The following DOCK1 variants were observed in gnomAD, a reference collection of about 807,000 sequenced individuals.
DOCK1 encodes dedicator of cytokinesis 1, also known as dedicator of cytokinesis protein 1.
DOCK1 carries 138 observed loss-of-function variants against 262.7 expected under a neutral mutation model. That is an observed-to-expected ratio of 0.53 (90% CI 0.46 to 0.61). The LOEUF (loss-of-function observed/expected upper bound fraction) is 0.61, where lower values mean the gene tolerates loss of function less well. DOCK1 is among the 20% of genes least tolerant of loss of function. DOCK1 has a pLI of 0.00. For missense variants in DOCK1, 1,908 were observed against 2,370.7 expected (o/e 0.80, Z 4.05); for synonymous variants, 866 against 867.4 (o/e 1.00, Z 0.03).
intron 31 of DOCK1, among the ~76,000 whole-genome samples, chr10:127,347,629 A>G (rs2063694314): frequency 6.7e-6 from 1 of 149,966 alleles, no homozygotes; most frequent in East Asian, 2.0e-4. Context: ...CACTCTGGGC[A>G]AACGATGGGC....
chr10:127,316,269 G>A (rs1300135731), intron 29 of DOCK1, among the ~76,000 whole-genome samples: 1 of 152,128 alleles, frequency 6.6e-6, no homozygotes, highest in African/African-American at 2.4e-5. Context: ...CTTGTTCATG[G>A]ACAGACTGCA....
chr10:127,361,035 A>G, intron 32 of DOCK1, among the ~76,000 whole-genome samples: 2 of 152,044 alleles, frequency 1.3e-5, no homozygotes, highest in Non-Finnish European at 2.9e-5. Context: ...AACTTTTGAG[A>G]AACATTTTTC....
chr10:127,299,410 G>A (rs1446114877), intron 29 of DOCK1, among the ~76,000 whole-genome samples: 2 of 152,176 alleles, frequency 1.3e-5, no homozygotes, highest in African/African-American at 4.8e-5. Context: ...GGCCAAGAAG[G>A]GTGGGCTCTT....
At chr10:127,238,060 C>A (rs1456010959) in intron 27 of DOCK1, among the ~76,000 whole-genome samples, 2 of 152,148 alleles carry the variant, frequency 1.3e-5, no homozygotes, top group African/African-American at 2.4e-5. Flanking sequence ...ACACATCATT[C>A]CTCGCTTCAT....
At chr10:127,338,795 T>TAG (rs553105341) in intron 29 of DOCK1, among the ~76,000 whole-genome samples, 3 of 152,360 alleles carry the variant, frequency 2.0e-5, no homozygotes, top group African/African-American at 7.2e-5. Flanking sequence ...TCTGTTTCTT[T>TAG]CATCCTGCAT....
At chr10:127,227,917 A>G (rs2058701964) in intron 27 of DOCK1, among the ~76,000 whole-genome samples, 1 of 152,194 alleles carries the variant, frequency 6.6e-6, no homozygotes, top group Admixed American at 6.5e-5. Flanking sequence ...AGCTGAGAAT[A>G]AATTCTCAGT....
intron 27 of DOCK1, among the ~76,000 whole-genome samples, chr10:127,185,836 A>G (rs1444447496): frequency 1.3e-5 from 2 of 152,212 alleles, no homozygotes; most frequent in African/African-American, 4.8e-5. Flanking sequence ...ACTCACAAAA[A>G]TGAGTAGATG....
intron 27 of DOCK1, among the ~76,000 whole-genome samples, chr10:127,226,165 G>GT (rs2058630868): frequency 2.0e-5 from 3 of 151,648 alleles, no homozygotes; most frequent in Non-Finnish European, 4.4e-5. Flanking sequence ...CTAATCATCA[G>GT]TTTTTTTCTC....
intron 27 of DOCK1, among the ~76,000 whole-genome samples, chr10:127,143,083 G>A (rs1299358719): frequency 6.6e-6 from 1 of 152,160 alleles, no homozygotes; most frequent in East Asian, 1.9e-4. Flanking sequence ...CTTATTCTCT[G>A]TTTGTCTCAT....
chr10:127,268,113 G>A (rs1018745450), intron 29 of DOCK1, among the ~76,000 whole-genome samples: 4 of 152,204 alleles, frequency 2.6e-5, no homozygotes, highest in East Asian at 1.9e-4. Flanking sequence ...TTTCATGCAC[G>A]AGACAGCCCC....
At chr10:127,219,626 A>G (rs1250891970) in intron 27 of DOCK1, among the ~76,000 whole-genome samples, 3 of 152,164 alleles carry the variant, frequency 2.0e-5, no homozygotes, top group Non-Finnish European at 4.4e-5. Context: ...CCATTAAATA[A>G]CAACACCCCA....
intron 6 of DOCK1, among the ~76,000 whole-genome samples, chr10:126,992,864 G>A (rs572376582): frequency 2.6e-5 from 4 of 151,986 alleles, no homozygotes; most frequent in African/African-American, 9.6e-5. Context: ...AGATGCATTG[G>A]GCTTCCATGG....
intron 1 of DOCK1, among the ~76,000 whole-genome samples, chr10:126,951,169 A>C (rs1250816622): frequency 6.6e-6 from 1 of 150,974 alleles, no homozygotes; most frequent in Non-Finnish European, 1.5e-5. Flanking sequence ...TACTGGTAGT[A>C]GTGTTGGTGA....
chr10:126,998,401 C>T (rs751250544), intron 8 of DOCK1, 152 bp downstream of exon 8: 2 of 1,037,546 alleles, frequency 1.9e-6, no homozygotes, highest in East Asian at 2.4e-5. Context: ...CTGTCTTAGA[C>T]AGTGTGATGG....
At chr10:126,999,243 A>T in intron 8 of DOCK1, 111 bp from the exon 9 acceptor site, 1 of 742,446 alleles carries the variant, frequency 1.3e-6, no homozygotes, top group Middle Eastern at 3.0e-4. Flanking sequence ...TAAACTCAAT[A>T]GTTGTCTGTA....
Position 127,360,421 on chromosome 10 carries a change from G to T in DOCK1, c.3284-1643G>T, listed in dbSNP as rs757984262. Among the ~76,000 whole-genome samples the T allele has an allele frequency of 1.2e-4, 18 of 152,174 alleles. 1 individual carries two copies. The highest frequency in any genetic ancestry group is 2.5e-4 in the Non-Finnish European group (17 of 68,044). ...CAGCTGCCAGCTGCTCTGCCCAGTC[G>T]CCAGATTTCCTGATGGTGATCCTGC... On this transcript the variant is annotated intron_variant, in intron 32 of 51. Coordinates refer to ENST00000623213, the MANE Select transcript of DOCK1 (RefSeq NM_001290223.2).
At chr10:127,381,609 C>G (rs1418886102) in intron 37 of DOCK1, among the ~76,000 whole-genome samples, 1 of 152,176 alleles carries the variant, frequency 6.6e-6, no homozygotes, top group Non-Finnish European at 1.5e-5. Flanking sequence ...ATTATAAACT[C>G]CCATCACTTG....
intron 38 of DOCK1, among the ~76,000 whole-genome samples, chr10:127,399,120 C>A (rs2296633): frequency 0.15 from 22,776 of 152,126 alleles, 2,107 homozygotes; most frequent in South Asian, 0.21. Flanking sequence ...GACCGTGCTC[C>A]GTGCTGCAAG....
At chr10:127,043,189 C>G in intron 21 of DOCK1, 25 bp downstream of exon 21, 2 of 1,529,334 alleles carry the variant, frequency 1.3e-6, no homozygotes, top group East Asian at 2.3e-5. Context: ...TGTTTTAAAA[C>G]CAATACTTCT....
Sources: gnomAD v4.1 joint callset for allele counts (sites outside exome capture counted in the v4.1 genomes callset) on GRCh38, gnomAD v4.1.1 for gene constraint, MANE v1.5 for transcripts, NCBI Gene and HGNC (gene_info 2026-07-23, HGNC 2026-07-21) for gene names.